The following RNU1-2 variants were observed in gnomAD, a reference collection of about 807,000 sequenced individuals.
The protein encoded by RNU1-2 is RNA, U1 small nuclear 2, also known as RNA, U1C1 small nuclear.
chr1:16,896,031 G>C (rs1233288660), exon 1 of RNU1-2: 1 of 308,552 alleles, frequency 3.2e-6, no homozygotes, highest in African/African-American at 2.2e-5. Context: ...TTTTCCCAGG[G>C]CGAGGCTTAT....
chr1:16,896,108 T>C (rs1167906964), exon 1 of RNU1-2: 1 of 156,466 alleles, frequency 6.4e-6, no homozygotes, highest in Non-Finnish European at 1.4e-5. Context: ...CTGCATAATT[T>C]GTGGTAGTGG....
exon 1 of RNU1-2, chr1:16,896,037 C>T (rs1279605610): frequency 1.3e-4 from 34 of 263,854 alleles, no homozygotes; most frequent in South Asian, 6.8e-4. Context: ...CAGGGCGAGG[C>T]TTATCCATTG....
exon 1 of RNU1-2, chr1:16,896,104 A>G (rs537324018): frequency 6.1e-3 from 954 of 157,378 alleles, no homozygotes; most frequent in African/African-American, 0.022. Flanking sequence ...TCGACTGCAT[A>G]ATTTGTGGTA....
chr1:16,896,043 C>T (rs1450676724), exon 1 of RNU1-2: 50 of 231,284 alleles, frequency 2.2e-4, no homozygotes, highest in African/African-American at 3.2e-4. Flanking sequence ...GAGGCTTATC[C>T]ATTGCACTCC....
At chr1:16,896,094 T>G (rs1489793249) in exon 1 of RNU1-2, 6 of 160,450 alleles carry the variant, frequency 3.7e-5, no homozygotes. Context: ...TGTGGGAAAC[T>G]CGACTGCATA....
At chr1:16,896,075 T>A (rs1291652434) in exon 1 of RNU1-2, 7 of 174,736 alleles carry the variant, frequency 4.0e-5, no homozygotes, top group Admixed American at 4.0e-4. Flanking sequence ...CCCCTGCGAT[T>A]TCCCCAAATG....
At chr1:16,896,032 C>A (rs1490037963) in exon 1 of RNU1-2, 1 of 295,532 alleles carries the variant, frequency 3.4e-6, no homozygotes, top group African/African-American at 2.2e-5. Flanking sequence ...TTTCCCAGGG[C>A]GAGGCTTATC....
exon 1 of RNU1-2, chr1:16,896,115 G>T (rs1282407430): frequency 1.3e-5 from 2 of 150,456 alleles, no homozygotes. Context: ...ATTTGTGGTA[G>T]TGGGGGACTG....
exon 1 of RNU1-2, chr1:16,896,122 A>T (rs1372712655): frequency 6.9e-6 from 1 of 144,214 alleles, no homozygotes; most frequent in East Asian, 2.0e-4. Flanking sequence ...GTAGTGGGGG[A>T]CTGCGTTCGC....
At chr1:16,896,104 A>C (rs537324018) in exon 1 of RNU1-2, 1 of 157,284 alleles carries the variant, frequency 6.4e-6, no homozygotes, top group African/African-American at 2.4e-5. Context: ...TCGACTGCAT[A>C]ATTTGTGGTA....
chr1:16,896,064 A>T (rs1209727306), exon 1 of RNU1-2: 1 of 188,154 alleles, frequency 5.3e-6, no homozygotes, highest in Admixed American at 6.6e-5. Context: ...GGATGTGCTG[A>T]CCCCTGCGAT....
exon 1 of RNU1-2, chr1:16,896,141 CTGACTTTCT>C (rs2075159374): frequency 1.5e-5 from 1 of 64,720 alleles, no homozygotes; most frequent in South Asian, 4.7e-4. Context: ...GCGCTTTCCC[CTGACTTTCT>C]GGAGTTTCTA....
At chr1:16,896,072 G>T (rs565591369) in exon 1 of RNU1-2, 1 of 177,018 alleles carries the variant, frequency 5.6e-6, no homozygotes, top group Admixed American at 6.6e-5. Context: ...TGACCCCTGC[G>T]ATTTCCCCAA....
At chr1:16,896,025 C>G (rs866102413) in exon 1 of RNU1-2, 1 of 353,204 alleles carries the variant, frequency 2.8e-6, no homozygotes, top group African/African-American at 2.1e-5. Context: ...AGGTGGTTTT[C>G]CCAGGGCGAG....
At chr1:16,896,087 G>C (rs1290474912) in exon 1 of RNU1-2, 3 of 164,710 alleles carry the variant, frequency 1.8e-5, no homozygotes, top group Admixed American at 6.6e-5. Flanking sequence ...CCCCAAATGT[G>C]GGAAACTCGA....
chr1:16,896,075 T>C (rs1291652434), exon 1 of RNU1-2: 4 of 174,742 alleles, frequency 2.3e-5, no homozygotes, highest in East Asian at 1.9e-4. Context: ...CCCCTGCGAT[T>C]TCCCCAAATG....
chr1:16,896,070 G>A (rs2075158106), exon 1 of RNU1-2: 1 of 178,912 alleles, frequency 5.6e-6, no homozygotes. Flanking sequence ...GCTGACCCCT[G>A]CGATTTCCCC....
At chr1:16,896,130 C>G (rs1207807122) in exon 1 of RNU1-2, 2 of 117,440 alleles carry the variant, frequency 1.7e-5, no homozygotes, top group Non-Finnish European at 3.8e-5. Context: ...GGACTGCGTT[C>G]GCGCTTTCCC....
exon 1 of RNU1-2, chr1:16,896,056 A>C (rs12728032): frequency 5.0e-6 from 1 of 198,866 alleles, no homozygotes; most frequent in East Asian, 1.8e-4. Flanking sequence ...TGCACTCCGG[A>C]TGTGCTGACC....
Sources: gnomAD v4.1 joint callset for allele counts on GRCh38, gnomAD v4.1.1 for gene constraint, MANE v1.5 for transcripts, NCBI Gene and HGNC (gene_info 2026-07-23, HGNC 2026-07-21) for gene names.